TMEM220: variants seen among roughly 807,000 people sequenced by gnomAD.
TMEM220 encodes the protein transmembrane protein 220.
In TMEM220, 21 loss-of-function variants were observed where a neutral mutation model predicts 21.7. The ratio of observed to expected loss-of-function variants is 0.97; its 90% CI spans 0.69 to 1.39. The LOEUF is 1.39. Among genes scored for constraint, TMEM220 ranks in the 40% most tolerant of loss-of-function variants. The pLI, the probability that TMEM220 is intolerant of heterozygous loss-of-function variation, is 0.00. For missense variants in TMEM220, 191 were observed against 201.9 expected, an observed-to-expected ratio of 0.95 and a Z score of 0.33; for synonymous variants, 80 against 73.6, an observed-to-expected ratio of 1.09 and a Z score of -0.45.
intron 2 of TMEM220, among the ~76,000 whole-genome samples, chr17:10,727,178 TTAA>T (rs1163608611): frequency 1.5e-5 from 2 of 134,956 alleles, no homozygotes; most frequent in Admixed American, 1.5e-4. Context: ...GATTGTTTAA[TTAA>T]TTTTTTGGAG....
chr17:10,724,533 T>A (rs190589312), intron 4 of TMEM220: 1 of 154,084 alleles, frequency 6.5e-6, no homozygotes, highest in Non-Finnish European at 1.4e-5. Context: ...TGAGCAGAGA[T>A]CGCGCCACTG....
At chr17:10,722,984 CTTT>C (rs11463233) in intron 5 of TMEM220, among the ~76,000 whole-genome samples, 8 of 139,586 alleles carry the variant, frequency 5.7e-5, no homozygotes, top group Non-Finnish European at 6.2e-5. Flanking sequence ...GATGTGATTT[CTTT>C]TTTTTTTTTT....
intron 5 of TMEM220, among the ~76,000 whole-genome samples, chr17:10,721,322 A>C (rs1391624080): frequency 6.6e-6 from 1 of 152,208 alleles, no homozygotes; most frequent in Non-Finnish European, 1.5e-5. Context: ...AAATATGTTT[A>C]AACTGGCCGG....
intron 4 of TMEM220, 98 bp downstream of exon 4, chr17:10,724,913 A>C: frequency 5.3e-6 from 8 of 1,504,482 alleles, no homozygotes; most frequent in Non-Finnish European, 7.3e-6. Flanking sequence ...CACTGGGGGA[A>C]TTCAGTTATC....
intron 2 of TMEM220, among the ~76,000 whole-genome samples, chr17:10,726,858 A>G (rs1019497847): frequency 3.3e-5 from 5 of 152,256 alleles, no homozygotes; most frequent in African/African-American, 9.6e-5. Flanking sequence ...AGCCTTGTTC[A>G]TAACAAGCAG....
chr17:10,716,048 C>A (rs557931957), intron 5 of TMEM220: 37 of 633,690 alleles, frequency 5.8e-5, no homozygotes, highest in Admixed American at 1.1e-4. Flanking sequence ...CTCCCACCCC[C>A]CCATGTCCAC....
chr17:10,712,748 C>A (rs565854303), downstream of TMEM220, among the ~76,000 whole-genome samples: 4 of 152,140 alleles, frequency 2.6e-5, no homozygotes, highest in Non-Finnish European at 5.9e-5. Flanking sequence ...CATGCTGTGA[C>A]GATTCACCAG....
chr17:10,726,061 T>C (rs936726257), intron 3 of TMEM220, 143 bp downstream of exon 3: 31 of 645,114 alleles, frequency 4.8e-5, no homozygotes, highest in Non-Finnish European at 6.7e-5. Context: ...TAAGGATGAT[T>C]AGAATTAGCC....
intron 2 of TMEM220, among the ~76,000 whole-genome samples, chr17:10,728,419 C>T (rs2075077132): frequency 6.6e-6 from 1 of 151,610 alleles, no homozygotes. Context: ...AGCGAGTCTC[C>T]TGCTTCAGCT....
chr17:10,729,800 C>T lies in TMEM220; in HGVS notation c.52G>A (p.Ala18Thr), dbSNP rs763659556. The change falls in exon 1 of 6, where the codon GCG (alanine) becomes ACG (threonine). Residue 18 changes from alanine to threonine, a missense_variant. Coordinates refer to ENST00000341871, the MANE Select transcript of TMEM220 (RefSeq NM_001004313.3). ...ACNGLMAAFF[A>T]LAALVQVNDP... ...CTGACCTGCACCAAGGCCGCCAGCGCGAAGAAGGCGGCCATGAGTCCGTTG... is the reference window on the plus strand; with the variant it reads ...CTGACCTGCACCAAGGCCGCCAGCGTGAAGAAGGCGGCCATGAGTCCGTTG... 77 of 1,410,036 alleles carry T rather than the reference C, an allele frequency of 5.5e-5. No individual in the cohort carries two copies. Among genetic ancestry groups the T allele is most frequent in the Admixed American group, 2.9e-4 (12 of 41,702 alleles). 87.3% of individuals were successfully genotyped at this position (1,410,036 alleles called of 1,614,324 possible).
chr17:10,726,349 G>C (rs1597533003), intron 2 of TMEM220, 85 bp from the exon 3 acceptor site: 1 of 1,126,074 alleles, frequency 8.9e-7, no homozygotes, highest in Non-Finnish European at 1.4e-6. Flanking sequence ...AGTAAAGAAA[G>C]ATGAGATCAG....
Position 10,721,691 on chromosome 17 carries a change from T to C in TMEM220, c.347+1579A>G, listed in dbSNP as rs117320887. 0.013 allele frequency among the ~76,000 whole-genome samples: 2,030 copies of C among 151,056 alleles called. 83 individuals carry two copies. In the East Asian group the frequency reaches 0.14, roughly 11 times the overall value. On this transcript the variant is annotated intron_variant, in intron 5 of 5. Coordinates refer to ENST00000341871, the MANE Select transcript of TMEM220 (RefSeq NM_001004313.3). Reference sequence around the variant, plus strand: ...TGGATAAGGTTCAGATAAAACAAGATTGGACATACCAATAATTGTTGAAAC... The same window carrying C: ...TGGATAAGGTTCAGATAAAACAAGACTGGACATACCAATAATTGTTGAAAC...
chr17:10,729,896 G>T lies in TMEM220; in HGVS notation c.-45C>A. ...GGGGCGGTGAGTCCTGCCACGTGCG[G>T]GGCGGTGAGTCCTGCCACGTACGGT... On this transcript the variant is annotated 5_prime_UTR_variant, in exon 1 of 6. Coordinates refer to ENST00000341871, the MANE Select transcript of TMEM220 (RefSeq NM_001004313.3). The T allele has an allele frequency of 7.8e-7, 1 of 1,283,936 alleles. No homozygotes were observed. The highest frequency in any genetic ancestry group is 2.4e-5 in the South Asian group (1 of 41,552). The allele number at this position is 1,283,936 out of a possible 1,614,324, so 79.5% of individuals were successfully genotyped here.
chr17:10,729,266 C>T (rs1479053706), intron 1 of TMEM220, among the ~76,000 whole-genome samples: 2 of 152,132 alleles, frequency 1.3e-5, no homozygotes, highest in Admixed American at 6.5e-5. Flanking sequence ...TAACAGGCAG[C>T]CACACATTTT....
Position 10,715,523 on chromosome 17 carries a change from G to T in TMEM220, c.413C>A (p.Ser138Ter). The T allele has an allele frequency of 6.2e-7, 1 of 1,605,818 alleles. No individual in the cohort carries two copies. Among genetic ancestry groups the T allele is most frequent in the Non-Finnish European group, 8.5e-7 (1 of 1,177,586 alleles). ...AIVITLFPFI[S>*]WVYIYINKEM... ...CTTGTTAATATATATGTAGACCCATGAGATAAATGGGAAAAGTGTGATTAC... is the reference window on the plus strand; with the variant it reads ...CTTGTTAATATATATGTAGACCCATTAGATAAATGGGAAAAGTGTGATTAC... The change falls in exon 6 of 6, where the codon TCA becomes TAA. Residue 138 changes from serine to a stop codon, truncating the protein, a stop_gained. Transcript: ENST00000341871. LOFTEE classifies it high-confidence loss of function.
At chr17:10,729,640 C>T in intron 1 of TMEM220, 140 bp downstream of exon 1, 1 of 672,782 alleles carries the variant, frequency 1.5e-6, no homozygotes. Flanking sequence ...GGGGGCTCCC[C>T]AAGCAGAAAG....
At chr17:10,727,468 C>G (rs563606564) in intron 2 of TMEM220, among the ~76,000 whole-genome samples, 9 of 152,218 alleles carry the variant, frequency 5.9e-5, no homozygotes, top group African/African-American at 2.2e-4. Context: ...GGGAAAGATG[C>G]TAGGTAGGTC....
In TMEM220 at chr17:10,729,800, CGAA is replaced by C. The variant is rs2075102977; in HGVS notation, c.49_51del (p.Phe17del). The C allele has an allele frequency of 1.4e-6, 2 of 1,410,156 alleles. No individual in the cohort carries two copies. Among genetic ancestry groups the C allele is most frequent in the East Asian group, 5.9e-5 (2 of 33,864 alleles). 87.4% of individuals were successfully genotyped at this position (1,410,156 alleles called of 1,614,324 possible). On this transcript the variant is annotated inframe_deletion, in exon 1 of 6. Transcript: ENST00000341871. ...CTGACCTGCACCAAGGCCGCCAGCG[CGAA>C]GAAGGCGGCCATGAGTCCGTTGCAG...
chr17:10,712,146 C>T (rs2074858265), downstream of TMEM220, among the ~76,000 whole-genome samples: 1 of 152,220 alleles, frequency 6.6e-6, no homozygotes, highest in Non-Finnish European at 1.5e-5. Flanking sequence ...TGAGGAGGGT[C>T]TAGGACGAAT....
Sources: gnomAD v4.1 joint callset for allele counts (sites outside exome capture counted in the v4.1 genomes callset) on GRCh38, gnomAD v4.1.1 for gene constraint, MANE v1.5 for transcripts, NCBI Gene and HGNC (gene_info 2026-07-23, HGNC 2026-07-21) for gene names.